TMEM181: variants seen among roughly 807,000 people sequenced by gnomAD.
The protein encoded by TMEM181 is G protein-coupled receptor 178.
TMEM181 carries 39 observed loss-of-function variants against 71.9 expected under a neutral mutation model. The ratio of observed to expected loss-of-function variants is 0.54; its 90% CI spans 0.42 to 0.71. The LOEUF is 0.71. Among genes scored for constraint, TMEM181 ranks in the 30% least tolerant of loss-of-function variants. The probability of loss-of-function intolerance (pLI) is 0.00; values close to 1 mark genes in which losing one functional copy is unlikely to be tolerated. For synonymous variants in TMEM181, 245 were observed against 228.8 expected (o/e 1.07, Z -0.64); for missense variants, 595 against 583.0 (o/e 1.02, Z -0.21).
At chr6:158,611,797 AGGG>A in intron 10 of TMEM181, 7 of 197,958 alleles carry the variant, frequency 3.5e-5, no homozygotes, top group East Asian at 1.5e-4. Flanking sequence ...TAAACCTGAG[AGGG>A]CCTTCTGGCC....
intron 10 of TMEM181, chr6:158,621,315 A>G (rs6909516): frequency 0.3 from 45,495 of 154,026 alleles, 7,293 homozygotes; most frequent in East Asian, 0.66. Context: ...TTTCCTTGAA[A>G]TGCAGGAGGT....
At chr6:158,615,639 T>A (rs990290450) in intron 10 of TMEM181, among the ~76,000 whole-genome samples, 4 of 152,234 alleles carry the variant, frequency 2.6e-5, no homozygotes, top group African/African-American at 9.6e-5. Flanking sequence ...AAGTCTTTAA[T>A]CCATCTTGAA....
chr6:158,568,498 G>T (rs1174223222), intron 1 of TMEM181, among the ~76,000 whole-genome samples: 1 of 152,032 alleles, frequency 6.6e-6, no homozygotes, highest in Non-Finnish European at 1.5e-5. Flanking sequence ...TGAGGAGAGG[G>T]AAGGCCTGGG....
intron 1 of TMEM181, among the ~76,000 whole-genome samples, chr6:158,540,225 C>T (rs372441698): frequency 6.6e-6 from 1 of 152,306 alleles, no homozygotes; most frequent in East Asian, 1.9e-4. Flanking sequence ...CTACACCCCA[C>T]CAAAATGGTA....
intron 1 of TMEM181, among the ~76,000 whole-genome samples, chr6:158,565,204 T>C (rs771907604): frequency 6.6e-6 from 1 of 152,250 alleles, no homozygotes; most frequent in Non-Finnish European, 1.5e-5. Context: ...TGTGGTTCTG[T>C]GCAGCAGTCC....
intron 1 of TMEM181, among the ~76,000 whole-genome samples, chr6:158,544,953 A>G (rs1781477212): frequency 6.6e-6 from 1 of 152,260 alleles, no homozygotes; most frequent in African/African-American, 2.4e-5. Flanking sequence ...AAGAAATAGC[A>G]TGCATTTCAA....
intron 7 of TMEM181, 49 bp from the exon 8 acceptor site, chr6:158,607,195 G>A (rs747422973): frequency 1.3e-6 from 2 of 1,494,128 alleles, no homozygotes; most frequent in Admixed American, 3.3e-5. Context: ...AAAGGCTGCA[G>A]GCAAGGTGTG....
chr6:158,573,430 A>T lies in TMEM181; in HGVS notation c.19A>T (p.Met7Leu). MEPLAP[M>L]RLYTLSKRHF... ...GGCTTCTGCCCCCAGGCTGGCGCCCATGCGGCTCTACACGCTCTCCAAGCG... is the reference window on the plus strand; with the variant it reads ...GGCTTCTGCCCCCAGGCTGGCGCCCTTGCGGCTCTACACGCTCTCCAAGCG... The change falls in exon 2 of 17, where the codon ATG (methionine) becomes TTG (leucine). Residue 7 changes from methionine (M) to leucine (L), a missense_variant. By Grantham distance (15) the Met-to-Leu change is conservative (BLOSUM62 2). Coordinates refer to ENST00000684151, the MANE Select transcript of TMEM181 (RefSeq NM_001376852.1). The T allele has an allele frequency of 6.3e-7, 1 of 1,584,186 alleles. No individual in the cohort carries two copies. The highest frequency in any genetic ancestry group is 8.6e-7 in the Non-Finnish European group (1 of 1,166,626).
chr6:158,576,438 C>A (rs1438852285), intron 2 of TMEM181, among the ~76,000 whole-genome samples: 4 of 152,116 alleles, frequency 2.6e-5, no homozygotes, highest in Non-Finnish European at 5.9e-5. Flanking sequence ...CCCCCGCTGG[C>A]TAACGTTACT....
chr6:158,629,673 G>A (rs1292305413), intron 14 of TMEM181, 57 bp from the exon 15 acceptor site: 1 of 1,437,870 alleles, frequency 7.0e-7, no homozygotes, highest in Admixed American at 2.0e-5. Flanking sequence ...TCGGGCTGTA[G>A]GCAGAGCCTC....
At chr6:158,551,328 CA>C (rs200873472) in intron 1 of TMEM181, among the ~76,000 whole-genome samples, 2,046 of 152,192 alleles carry the variant, frequency 0.013, 18 homozygotes, top group Non-Finnish European at 0.022. Context: ...ATAAACCTGT[CA>C]GTTTATTTAT....
At chr6:158,579,115 G>A (rs769147661) in intron 2 of TMEM181, among the ~76,000 whole-genome samples, 6 of 151,774 alleles carry the variant, frequency 4.0e-5, no homozygotes, top group South Asian at 2.1e-4. Flanking sequence ...AAAAATTAGC[G>A]AGGTGTGGTG....
At chr6:158,596,656 G>A (rs376419776) in intron 6 of TMEM181, among the ~76,000 whole-genome samples, 3 of 152,154 alleles carry the variant, frequency 2.0e-5, no homozygotes, top group Non-Finnish European at 2.9e-5. Flanking sequence ...TGACAAAGAC[G>A]TACCCAAGAC....
At chr6:158,546,692 C>T (rs761816606) in intron 1 of TMEM181, among the ~76,000 whole-genome samples, 10 of 152,362 alleles carry the variant, frequency 6.6e-5, no homozygotes, top group Admixed American at 2.6e-4. Context: ...GGCGCGATGG[C>T]GCACACCTGT....
At chr6:158,631,124 GC>G (rs1315785963) in intron 15 of TMEM181, among the ~76,000 whole-genome samples, 198 bp from the exon 16 acceptor site, 2 of 152,208 alleles carry the variant, frequency 1.3e-5, no homozygotes, top group East Asian at 3.9e-4. Context: ...GGACGTCCCT[GC>G]CAGGCAGGCC....
intron 1 of TMEM181, among the ~76,000 whole-genome samples, chr6:158,561,773 C>T (rs1782193389): frequency 6.6e-6 from 1 of 152,130 alleles, no homozygotes; most frequent in Non-Finnish European, 1.5e-5. Context: ...GCGCTTTGTG[C>T]CTCAGGCTCT....
intron 10 of TMEM181, chr6:158,610,598 C>A: frequency 2.5e-6 from 1 of 393,346 alleles, no homozygotes. Context: ...GAATGTTCTT[C>A]TTTGCTTCAC....
At position 158,634,095 on chromosome 6, in the gene TMEM181, A is replaced by G. The variant is rs996638805; in HGVS notation, c.*2207A>G. ...ATCTTCATACATTGAGTCTTCATGC[A>G]TCAATGAAATGAAAAATATAGGATT... On this transcript the variant is annotated 3_prime_UTR_variant, in exon 17 of 17. Coordinates refer to ENST00000684151, the MANE Select transcript of TMEM181 (RefSeq NM_001376852.1). 1 of 152,238 alleles carries G rather than the reference A, an allele frequency of 6.6e-6. No individual in the cohort carries two copies. The highest frequency in any genetic ancestry group is 2.1e-4 in the South Asian group (1 of 4,836). 9.4% of individuals were successfully genotyped at this position (152,238 alleles called of 1,614,324 possible). A position where few individuals can be genotyped will look rare whatever the true frequency, so the allele number is the denominator to read the frequency against.
intron 1 of TMEM181, among the ~76,000 whole-genome samples, chr6:158,563,844 C>T (rs938610996): frequency 2.0e-5 from 3 of 152,092 alleles, no homozygotes; most frequent in African/African-American, 7.2e-5. Context: ...TGCAATGGTG[C>T]GATCTCAGCT....
Sources: allele counts gnomAD v4.1 joint callset (sites outside exome capture counted in the v4.1 genomes callset), GRCh38; gene constraint gnomAD v4.1.1; transcripts MANE v1.5; gene names NCBI Gene and HGNC (gene_info 2026-07-23, HGNC 2026-07-21).